Variants in GPATCH8 observed in about 807,000 individuals in gnomAD.
GPATCH8 encodes G-patch domain containing 8.
In GPATCH8, 18 loss-of-function variants were observed where a neutral mutation model predicts 118.3. That is an observed-to-expected ratio of 0.15 (90% CI 0.11 to 0.23). GPATCH8 has a LOEUF of 0.23. Among genes scored for constraint, GPATCH8 ranks in the 10% least tolerant of loss-of-function variants. GPATCH8 has a pLI of 1.00. For missense variants in GPATCH8, 1,631 were observed against 1,873.8 expected (o/e 0.87, Z 2.39); for synonymous variants, 659 against 684.7 (o/e 0.96, Z 0.59).
intron 5 of GPATCH8, among the ~76,000 whole-genome samples, chr17:44,425,022 AAAC>A (rs147058394): frequency 0.5 from 75,635 of 151,752 alleles, 20,519 homozygotes; most frequent in Middle Eastern, 0.62. Context: ...GGTTGGAGAA[AAAC>A]AACAACAACA....
intron 1 of GPATCH8, among the ~76,000 whole-genome samples, chr17:44,502,594 C>T (rs920770575): frequency 6.6e-6 from 1 of 152,132 alleles, no homozygotes; most frequent in Non-Finnish European, 1.5e-5. Flanking sequence ...AAAAATCAAG[C>T]TTTTGGCACT....
chr17:44,472,901 G>A (rs1967410410), intron 2 of GPATCH8, among the ~76,000 whole-genome samples: 1 of 151,568 alleles, frequency 6.6e-6, no homozygotes, highest in African/African-American at 2.4e-5. Flanking sequence ...TCACCATCTT[G>A]GCCAGGCTGG....
In GPATCH8 at chr17:44,437,461, C is replaced by T. The variant is rs537969352; in HGVS notation, c.194-916G>A. 1.1e-3 allele frequency among the ~76,000 whole-genome samples: 160 copies of T among 152,190 alleles called. 1 individual carries two copies. The highest frequency in any genetic ancestry group is 6.8e-3 in the Middle Eastern group (2 of 294). ...CACTGAAAAGAGGACTTACCTTATC[C>T]GTTGTACACCTTTAGTGAAAAAACA... On this transcript the variant is annotated intron_variant, in intron 3 of 7. Transcript: ENST00000591680.
At chr17:44,448,177 T>C (rs980434015) in intron 3 of GPATCH8, among the ~76,000 whole-genome samples, 16 of 152,222 alleles carry the variant, frequency 1.1e-4, no homozygotes, top group African/African-American at 3.9e-4. Context: ...GAATCTGTGA[T>C]AATTTCCAAA....
intron 2 of GPATCH8, chr17:44,465,725 A>G (rs913642257): frequency 2.6e-5 from 4 of 152,234 alleles, no homozygotes; most frequent in Non-Finnish European, 5.9e-5. Context: ...TATTTCCTGA[A>G]ATCAATTTAT....
intron 3 of GPATCH8, among the ~76,000 whole-genome samples, chr17:44,459,574 C>T (rs927750483): frequency 5.9e-5 from 9 of 152,072 alleles, no homozygotes; most frequent in Non-Finnish European, 1.3e-4. Context: ...TACTTTTACA[C>T]AAAAATTAGT....
At chr17:44,457,835 A>G (rs1297386589) in intron 3 of GPATCH8, among the ~76,000 whole-genome samples, 1 of 152,098 alleles carries the variant, frequency 6.6e-6, no homozygotes, top group Non-Finnish European at 1.5e-5. Context: ...TAATCCCAGC[A>G]CTTTGGGAGG....
At chr17:44,429,653 C>CACACACACACACACACACAG (rs2050223615) in intron 5 of GPATCH8, among the ~76,000 whole-genome samples, 4 of 138,272 alleles carry the variant, frequency 2.9e-5, no homozygotes, top group Non-Finnish European at 6.2e-5. Flanking sequence ...CTACTAAACA[C>CACACACACACACACACACAG]ACACACACAC....
intron 7 of GPATCH8, 33 bp downstream of exon 7, chr17:44,405,888 T>A (rs544518397): frequency 1.4e-6 from 2 of 1,439,912 alleles, no homozygotes; most frequent in Admixed American, 3.4e-5. Context: ...ATTATAATTA[T>A]CTGTACAACC....
At chr17:44,485,044 A>C (rs1281782282) in intron 1 of GPATCH8, among the ~76,000 whole-genome samples, 1 of 151,526 alleles carries the variant, frequency 6.6e-6, no homozygotes, top group Non-Finnish European at 1.5e-5. Context: ...CGAACTCCTG[A>C]GCTCAAGAGA....
chr17:44,487,863 A>T (rs1316444075), intron 1 of GPATCH8, among the ~76,000 whole-genome samples: 4 of 152,146 alleles, frequency 2.6e-5, no homozygotes, highest in African/African-American at 9.7e-5. Flanking sequence ...TTTTACAGCA[A>T]AATATGAGGG....
chr17:44,439,427 T>A (rs946827318), intron 3 of GPATCH8, among the ~76,000 whole-genome samples: 1 of 152,136 alleles, frequency 6.6e-6, no homozygotes, highest in East Asian at 1.9e-4. Flanking sequence ...GCTGTCACAT[T>A]TAAAATTACT....
chr17:44,433,799 G>C (rs538914301), intron 5 of GPATCH8, among the ~76,000 whole-genome samples: 1 of 152,162 alleles, frequency 6.6e-6, no homozygotes, highest in Non-Finnish European at 1.5e-5. Flanking sequence ...ACTAATCTAG[G>C]AAAGTATAAA....
At chr17:44,405,311 C>T (rs570422474) in intron 7 of GPATCH8, among the ~76,000 whole-genome samples, 3 of 151,508 alleles carry the variant, frequency 2.0e-5, no homozygotes, top group African/African-American at 7.3e-5. Flanking sequence ...CAGGTTCAAG[C>T]GATTCTCCTG....
chr17:44,468,373 C>CTTTTTTTTTTTTTTTTTTT (rs869068538), intron 2 of GPATCH8, among the ~76,000 whole-genome samples: 1 of 100,014 alleles, frequency 1.0e-5, no homozygotes, highest in Non-Finnish European at 1.8e-5. Flanking sequence ...TTCTTTGTTC[C>CTTTTTTTTTTTTTTTTTTT]TTTTTTTTTT....
chr17:44,427,518 T>A (rs1207076025), intron 5 of GPATCH8, among the ~76,000 whole-genome samples: 1 of 152,108 alleles, frequency 6.6e-6, no homozygotes, highest in East Asian at 1.9e-4. Flanking sequence ...CATATAACTG[T>A]AACATATACA....
intron 6 of GPATCH8, among the ~76,000 whole-genome samples, chr17:44,422,234 T>C (rs1161865875): frequency 1.3e-5 from 2 of 152,182 alleles, no homozygotes; most frequent in Non-Finnish European, 2.9e-5. Context: ...CAGTGTGAAG[T>C]GCAGTGGCAT....
At chr17:44,456,444 CTAATT>C (rs1381699731) in intron 3 of GPATCH8, among the ~76,000 whole-genome samples, 1 of 152,274 alleles carries the variant, frequency 6.6e-6, no homozygotes, top group African/African-American at 2.4e-5. Flanking sequence ...AATTCATATT[CTAATT>C]TAACAATAAA....
intron 5 of GPATCH8, among the ~76,000 whole-genome samples, chr17:44,429,687 A>ACACACACACACAC (rs58829323): frequency 6.9e-4 from 51 of 73,718 alleles, no homozygotes; most frequent in East Asian, 4.3e-3. Context: ...CACACACACA[A>ACACACACACACAC]AACAACAAAC....
Sources: gnomAD v4.1 joint callset for allele counts (sites outside exome capture counted in the v4.1 genomes callset) on GRCh38, gnomAD v4.1.1 for gene constraint, MANE v1.5 for transcripts, NCBI Gene and HGNC (gene_info 2026-07-23, HGNC 2026-07-21) for gene names.